Variants in NPSR1 observed in about 807,000 individuals in gnomAD.
NPSR1 encodes the protein neuropeptide S receptor.
NPSR1 carries 48 observed loss-of-function variants against 46.9 expected under a neutral mutation model. The ratio of observed to expected loss-of-function variants is 1.02; its 90% CI spans 0.81 to 1.30. The LOEUF is 1.30. NPSR1 is among the 50% of genes most tolerant of loss of function. NPSR1 has a pLI of 0.00. For missense variants in NPSR1, 450 were observed against 449.5 expected, an observed-to-expected ratio of 1.00 and a Z score of -0.01; for synonymous variants, 176 against 168.1, an observed-to-expected ratio of 1.05 and a Z score of -0.36.
chr7:34,726,700 G>A (rs150374701), intron 2 of NPSR1, among the ~76,000 whole-genome samples: 2 of 151,762 alleles, frequency 1.3e-5, no homozygotes, highest in Non-Finnish European at 1.5e-5. Flanking sequence ...ATCAAACCAT[G>A]AAGATATGAA....
chr7:34,836,839 G>A (rs1343667691), intron 6 of NPSR1, among the ~76,000 whole-genome samples: 2 of 152,170 alleles, frequency 1.3e-5, no homozygotes, highest in African/African-American at 4.8e-5. Context: ...ATCCTACAAT[G>A]AGGGAACTGA....
chr7:34,735,246 G>A (rs1428513657), intron 2 of NPSR1, among the ~76,000 whole-genome samples: 3 of 152,182 alleles, frequency 2.0e-5, no homozygotes, highest in African/African-American at 4.8e-5. Flanking sequence ...TCAGGGTCAT[G>A]CACCTGAGGA....
rs571189233 is a variant in NPSR1, at chr7:34,767,095, A to T, written c.281-11367A>T. 3.3e-5 allele frequency among the ~76,000 whole-genome samples: 5 copies of T among 152,282 alleles called. No homozygotes were observed. The South Asian group carries it at 8.3e-4, about 25-fold the overall frequency. ...ACTGTGGTGTTAGTGACATGACCTT[A>T]TATGTATGTGAGATTAAATTTCATT... is the stretch of plus-strand genomic sequence containing the variant. On this transcript the variant is annotated intron_variant, in intron 2 of 8. Coordinates refer to ENST00000360581, the MANE Select transcript of NPSR1 (RefSeq NM_207172.2).
At chr7:34,744,473 C>T (rs1330665638) in intron 2 of NPSR1, among the ~76,000 whole-genome samples, 5 of 152,068 alleles carry the variant, frequency 3.3e-5, no homozygotes, top group African/African-American at 7.2e-5. Flanking sequence ...TGGGAAGGAC[C>T]CCAATTTTGC....
At chr7:34,765,568 C>G (rs1467368277) in intron 2 of NPSR1, among the ~76,000 whole-genome samples, 1 of 152,166 alleles carries the variant, frequency 6.6e-6, no homozygotes, top group Non-Finnish European at 1.5e-5. Flanking sequence ...CATTACTGGG[C>G]ATATACCCAA....
downstream of NPSR1, among the ~76,000 whole-genome samples, chr7:34,850,432 G>A (rs1477150424): frequency 3.9e-5 from 5 of 129,032 alleles, no homozygotes; most frequent in Admixed American, 1.9e-4. Context: ...ACAGAGTCTC[G>A]CTCTGTCGCC....
intron 2 of NPSR1, among the ~76,000 whole-genome samples, chr7:34,753,896 G>GA (rs756003810): frequency 6.6e-6 from 1 of 152,166 alleles, no homozygotes; most frequent in Admixed American, 6.5e-5. Context: ...TAAAAAGAAA[G>GA]AAAAAATAAT....
chr7:34,793,057 T>G (rs1436655397), intron 3 of NPSR1, among the ~76,000 whole-genome samples: 1 of 151,750 alleles, frequency 6.6e-6, no homozygotes, highest in African/African-American at 2.4e-5. Context: ...CCAGGCATAT[T>G]GGCATGAGTT....
At position 34,849,962 on chromosome 7, in the gene NPSR1, G is replaced by T; in HGVS notation, c.*307G>T. 9.0e-7 allele frequency: 1 copy of T among 1,105,702 alleles called. No homozygotes were observed. The highest frequency in any genetic ancestry group is 1.1e-6 in the Non-Finnish European group (1 of 904,608). 68.5% of individuals were successfully genotyped at this position (1,105,702 alleles called of 1,614,324 possible). A position where few individuals can be genotyped will look rare whatever the true frequency, so the allele number is the denominator to read the frequency against. On this transcript the variant is annotated 3_prime_UTR_variant, in exon 9 of 9. Coordinates refer to ENST00000360581, the MANE Select transcript of NPSR1 (RefSeq NM_207172.2). ...CATTAGTGGTCCAGGGTCCTGGCTT[G>T]GAGCCAGTGAGTAGACAGGCAAGCA...
chr7:34,698,710 G>A (rs747901075), intron 2 of NPSR1, among the ~76,000 whole-genome samples: 4 of 152,194 alleles, frequency 2.6e-5, no homozygotes, highest in Admixed American at 6.5e-5. Flanking sequence ...CTGGTGGATT[G>A]TGAGAAGTGA....
chr7:34,697,620 T>C (rs1793597416), intron 2 of NPSR1, among the ~76,000 whole-genome samples: 1 of 151,914 alleles, frequency 6.6e-6, no homozygotes, highest in African/African-American at 2.4e-5. Context: ...CAATGTAAAT[T>C]CTATATAAAA....
At chr7:34,747,054 G>C (rs1349644112) in intron 2 of NPSR1, among the ~76,000 whole-genome samples, 1 of 151,450 alleles carries the variant, frequency 6.6e-6, no homozygotes, top group Non-Finnish European at 1.5e-5. Flanking sequence ...GAACCTGGGA[G>C]GTGGAGGTTG....
intron 3 of NPSR1, among the ~76,000 whole-genome samples, chr7:34,786,798 CT>C (rs140354019): frequency 6.6e-6 from 1 of 152,046 alleles, no homozygotes; most frequent in African/African-American, 2.4e-5. Flanking sequence ...GGAAAGGAAT[CT>C]TTTTTTCTGA....
At chr7:34,877,230 T>C (rs1435236143) in intron 8 of NPSR1, among the ~76,000 whole-genome samples, 1 of 152,100 alleles carries the variant, frequency 6.6e-6, no homozygotes, top group African/African-American at 2.4e-5. Context: ...GGTAATGTTC[T>C]GACAGGTGGT....
intron 8 of NPSR1, among the ~76,000 whole-genome samples, chr7:34,863,531 C>A (rs549635666): frequency 2.0e-5 from 3 of 151,800 alleles, no homozygotes; most frequent in Admixed American, 2.0e-4. Context: ...AACAAACTTA[C>A]AAGAAAAAAC....
chr7:34,733,275 C>T (rs1328597173), intron 2 of NPSR1, among the ~76,000 whole-genome samples: 2 of 152,032 alleles, frequency 1.3e-5, no homozygotes, highest in Non-Finnish European at 2.9e-5. Flanking sequence ...CAAAAATTAG[C>T]CGGGCACGAT....
Position 34,827,384 on chromosome 7 carries a change from C to T in NPSR1, c.479-17C>T, listed in dbSNP as rs747783841. 36 of 1,612,936 alleles carry T rather than the reference C, an allele frequency of 2.2e-5. No individual in the cohort carries two copies. Among genetic ancestry groups the T allele is most frequent in the Non-Finnish European group, 3.0e-5 (35 of 1,179,072 alleles). ...GGTTGCCACATACCCAGACATTCCT[C>T]TCTTTTCTTTGGGCAGAAAAGCAAG... On this transcript the variant is annotated splice_polypyrimidine_tract_variant and intron_variant, in intron 4 of 8. Transcript: ENST00000360581.
chr7:34,792,688 T>C (rs1431393179), intron 3 of NPSR1, among the ~76,000 whole-genome samples: 1 of 115,518 alleles, frequency 8.7e-6, no homozygotes, highest in African/African-American at 3.3e-5. Flanking sequence ...TATATATATA[T>C]GTATATATAT....
chr7:34,838,052 A>T (rs956965947), intron 6 of NPSR1, among the ~76,000 whole-genome samples: 1 of 151,510 alleles, frequency 6.6e-6, no homozygotes, highest in Admixed American at 6.6e-5. Context: ...CTGAGCACTC[A>T]CTCTCACTGT....
Sources: allele counts gnomAD v4.1 joint callset (sites outside exome capture counted in the v4.1 genomes callset), GRCh38; gene constraint gnomAD v4.1.1; transcripts MANE v1.5; gene names NCBI Gene and HGNC (gene_info 2026-07-23, HGNC 2026-07-21).